Variants in RGL1 observed in about 807,000 individuals in gnomAD.
RGL1 encodes ral guanine nucleotide dissociation stimulator-like 1.
RGL1 carries 24 observed loss-of-function variants against 95.2 expected under a neutral mutation model. That is an observed-to-expected ratio of 0.25 (90% CI 0.18 to 0.35). The LOEUF (loss-of-function observed/expected upper bound fraction) is 0.35, where lower values mean the gene tolerates loss of function less well. Ranked by LOEUF, RGL1 falls within the 10% of genes least tolerant of loss-of-function variation. The pLI is 1.00. For synonymous variants in RGL1, 329 were observed against 344.9 expected (o/e 0.95, Z 0.51); for missense variants, 715 against 936.3 (o/e 0.76, Z 3.08).
Position 183,896,933 on chromosome 1 carries a change from C to T in RGL1, c.1141-875C>T, listed in dbSNP as rs539339980. On this transcript the variant is annotated intron_variant, in intron 9 of 17. Coordinates refer to ENST00000360851, the MANE Select transcript of RGL1 (RefSeq NM_001297671.3). Reference sequence around the variant, plus strand: ...TGGGGGCTGGGGATGTGTGAAAGTTCGACTTTTATGGATTGGTCATGTAGT... The same window carrying T: ...TGGGGGCTGGGGATGTGTGAAAGTTTGACTTTTATGGATTGGTCATGTAGT... Among the ~76,000 whole-genome samples, 66 of 152,230 alleles carry T rather than the reference C, an allele frequency of 4.3e-4. No homozygotes were observed. In the South Asian group the frequency reaches 0.013, roughly 30 times the overall value.
chr1:183,693,017 C>T (rs1027556857), intron 1 of RGL1, among the ~76,000 whole-genome samples: 2 of 151,446 alleles, frequency 1.3e-5, no homozygotes, highest in Admixed American at 6.6e-5. Flanking sequence ...TGCAGTGGCA[C>T]GATCTCAGCT....
intron 12 of RGL1, among the ~76,000 whole-genome samples, 163 bp downstream of exon 12, chr1:183,902,763 C>A (rs1242124609): frequency 2.0e-5 from 3 of 152,242 alleles, no homozygotes; most frequent in Non-Finnish European, 2.9e-5. Flanking sequence ...TTATCCCCCA[C>A]TAGCCTTATG....
chr1:183,895,467 G>T (rs1012591076), intron 9 of RGL1, among the ~76,000 whole-genome samples: 1 of 151,956 alleles, frequency 6.6e-6, no homozygotes, highest in Admixed American at 6.6e-5. Context: ...GGAGGAAGAG[G>T]GAGATTTGGC....
At chr1:183,849,299 T>C (rs1664658533) in intron 3 of RGL1, among the ~76,000 whole-genome samples, 1 of 151,844 alleles carries the variant, frequency 6.6e-6, no homozygotes, top group Non-Finnish European at 1.5e-5. Context: ...TTTTACTCAT[T>C]AAGTGAATTA....
intron 3 of RGL1, among the ~76,000 whole-genome samples, chr1:183,861,795 T>A (rs1665525189): frequency 6.6e-6 from 1 of 152,238 alleles, no homozygotes; most frequent in South Asian, 2.1e-4. Context: ...TGTTGGTAGC[T>A]ATTCTATGGC....
chr1:183,886,752 C>A (rs1433879824), intron 7 of RGL1, among the ~76,000 whole-genome samples: 1 of 151,510 alleles, frequency 6.6e-6, no homozygotes, highest in Non-Finnish European at 1.5e-5. Context: ...TGGTTTGCTA[C>A]CAAGATTTAT....
chr1:183,817,753 T>G (rs1381841236), intron 2 of RGL1, among the ~76,000 whole-genome samples: 1 of 152,218 alleles, frequency 6.6e-6, no homozygotes, highest in Non-Finnish European at 1.5e-5. Context: ...CTGAATCTAC[T>G]GACTGTGTGT....
chr1:183,884,728 C>T lies in RGL1; in HGVS notation c.741C>T (p.Leu247=), dbSNP rs1667016532. 6.2e-7 allele frequency: 1 copy of T among 1,613,948 alleles called. No individual in the cohort carries two copies. Among genetic ancestry groups the T allele is most frequent in the South Asian group, 1.1e-5 (1 of 91,074 alleles). Residue 247 remains leucine (L), a synonymous_variant, in exon 7 of 18, where the codon CTC becomes CTT. Coordinates refer to ENST00000360851, the MANE Select transcript of RGL1 (RefSeq NM_001297671.3). ...AEQLTYMDAQ[L]FKKVVPHHCL... ...CAGTTCCTCTTTTGTTCCAGCAACT[C>T]TTCAAGAAAGTAGTGCCTCACCACT...
At chr1:183,689,193 A>C (rs1653793560) in intron 1 of RGL1, among the ~76,000 whole-genome samples, 1 of 152,198 alleles carries the variant, frequency 6.6e-6, no homozygotes, top group South Asian at 2.1e-4. Context: ...TTTATTTAGT[A>C]TTTTGAAATT....
At chr1:183,919,109 T>C (rs947145259) in intron 16 of RGL1, among the ~76,000 whole-genome samples, 6 of 152,222 alleles carry the variant, frequency 3.9e-5, no homozygotes, top group Non-Finnish European at 8.8e-5. Context: ...ACTGAGAAAC[T>C]TTCAAAATGT....
intron 2 of RGL1, among the ~76,000 whole-genome samples, chr1:183,811,924 A>G (rs1331082648): frequency 6.6e-6 from 1 of 152,246 alleles, no homozygotes; most frequent in Non-Finnish European, 1.5e-5. Context: ...ATCATAAAGA[A>G]AAAGCCTCTT....
intron 8 of RGL1, among the ~76,000 whole-genome samples, chr1:183,889,675 C>G (rs925899488): frequency 6.6e-6 from 1 of 152,126 alleles, no homozygotes; most frequent in Non-Finnish European, 1.5e-5. Flanking sequence ...AGGGGATAGT[C>G]TACTTGGTGT....
intron 15 of RGL1, among the ~76,000 whole-genome samples, chr1:183,913,259 G>A (rs1668768880): frequency 1.6e-5 from 2 of 124,900 alleles, no homozygotes; most frequent in African/African-American, 6.2e-5. Context: ...GCAGTGGTAC[G>A]ATCTTGGCTC....
chr1:183,840,700 AAAATAAATAAAT>A (rs141108304), intron 2 of RGL1, among the ~76,000 whole-genome samples: 54,847 of 150,618 alleles, frequency 0.36, 11,056 homozygotes, highest in Non-Finnish European at 0.45. Flanking sequence ...TTGTCTCTAA[AAAATAAATAAAT>A]AAATAAATAA....
rs60220835 is a variant in RGL1 at position 183,656,113 on chromosome 1, C to CTTTTTTTT, written c.-33+19615_-33+19622dup. Among the ~76,000 whole-genome samples, 187 of 145,010 alleles carry CTTTTTTTT rather than the reference C, an allele frequency of 1.3e-3. 2 individuals are homozygous for CTTTTTTTT. The highest frequency in any genetic ancestry group is 2.1e-3 in the Admixed American group (30 of 14,612). ...GACCAAGTTTTTTTTCTTTTCTTTT[C>CTTTTTTTT]TTTTTTTTTTCTCATGAAAACAGGA... On this transcript the variant is annotated intron_variant, in intron 1 of 18. Coordinates refer to the RGL1 transcript ENST00000304685.
chr1:183,720,064 G>A lies in RGL1; in HGVS notation c.-32-22062G>A, dbSNP rs150945138. On this transcript the variant is annotated intron_variant, in intron 1 of 18. Transcript: ENST00000304685. ...ATGATTAAAGAAACTGGAAGATGAA[G>A]GTAAAGGATGGTAGAAAAATTAGCG... Among the ~76,000 whole-genome samples, 606 of 152,012 alleles carry A rather than the reference G, an allele frequency of 4.0e-3. 1 individual carries two copies. Among genetic ancestry groups the A allele is most frequent in the Non-Finnish European group, 6.3e-3 (425 of 67,952 alleles).
intron 3 of RGL1, among the ~76,000 whole-genome samples, chr1:183,861,855 A>G (rs893202467): frequency 6.6e-6 from 1 of 152,170 alleles, no homozygotes; most frequent in African/African-American, 2.4e-5. Flanking sequence ...ACTACCCTGG[A>G]ATAAGTGAAT....
At chr1:183,752,486 A>G (rs1193615098) in intron 2 of RGL1, among the ~76,000 whole-genome samples, 1 of 152,116 alleles carries the variant, frequency 6.6e-6, no homozygotes, top group Non-Finnish European at 1.5e-5. Context: ...CGGCCTCCCA[A>G]AGTGCTGGGA....
At chr1:183,888,821 G>A (rs1667262323) in intron 8 of RGL1, among the ~76,000 whole-genome samples, 1 of 152,096 alleles carries the variant, frequency 6.6e-6, no homozygotes, top group Admixed American at 6.5e-5. Flanking sequence ...TGATTTGAAG[G>A]ATGTGCTTAT....
Sources: allele counts gnomAD v4.1 joint callset (sites outside exome capture counted in the v4.1 genomes callset), GRCh38; gene constraint gnomAD v4.1.1; transcripts MANE v1.5; gene names NCBI Gene and HGNC (gene_info 2026-07-23, HGNC 2026-07-21).